Variants in UGT2A1 observed in about 807,000 individuals in gnomAD.
UGT2A1 encodes the protein UDP-glucuronosyltransferase 2A1.
A neutral mutation model predicts 45.4 loss-of-function variants in UGT2A1; 61 were observed. That is an observed-to-expected ratio of 1.34 (90% CI 1.09 to 1.66). The LOEUF (loss-of-function observed/expected upper bound fraction) is 1.66. Among genes scored for constraint, UGT2A1 ranks in the 40% most tolerant of loss-of-function variants. The pLI is 0.00. For synonymous variants in UGT2A1, 229 were observed against 196.2 expected, an observed-to-expected ratio of 1.17 and a Z score of -1.40; for missense variants, 649 against 574.3, an observed-to-expected ratio of 1.13 and a Z score of -1.33.
chr4:69,631,477 C>T (rs1388261766), intron 3 of UGT2A1, among the ~76,000 whole-genome samples: 2 of 152,012 alleles, frequency 1.3e-5, no homozygotes, highest in Non-Finnish European at 2.9e-5. Flanking sequence ...AGAAAGTAGG[C>T]TGTCAACAGA....
chr4:69,651,832 A>G (rs1328174589), intron 1 of UGT2A1, among the ~76,000 whole-genome samples: 1 of 152,230 alleles, frequency 6.6e-6, no homozygotes, highest in East Asian at 1.9e-4. Context: ...GAGCATATAT[A>G]CAACTTCCTA....
intron 3 of UGT2A1, 22 bp from the exon 4 acceptor site, chr4:69,599,416 G>T: frequency 6.2e-7 from 1 of 1,608,998 alleles, no homozygotes; most frequent in African/African-American, 1.3e-5. Context: ...GTAACAAGTT[G>T]GATGGAGGAA....
chr4:69,632,310 G>A (rs1358968250), intron 3 of UGT2A1, among the ~76,000 whole-genome samples: 1 of 152,100 alleles, frequency 6.6e-6, no homozygotes. Flanking sequence ...GGGTTAATAA[G>A]GGGTCTGCAT....
At chr4:69,614,920 G>A (rs1181808051) in intron 3 of UGT2A1, among the ~76,000 whole-genome samples, 2 of 152,168 alleles carry the variant, frequency 1.3e-5, no homozygotes, top group Admixed American at 6.6e-5. Flanking sequence ...ACTTACAATT[G>A]TGGTGGAAGG....
intron 3 of UGT2A1, among the ~76,000 whole-genome samples, chr4:69,634,640 C>T (rs2109961224): frequency 6.6e-6 from 1 of 151,932 alleles, no homozygotes; most frequent in African/African-American, 2.4e-5. Flanking sequence ...TATATTTTAC[C>T]ATATTGGCGG....
rs1036689834 is a variant in UGT2A1, at chr4:69,647,707, GA to G, written c.-54-10del. The G allele has an allele frequency of 2.8e-5, 32 of 1,163,290 alleles. No homozygotes were observed. The African/African-American group carries it at 4.1e-4, about 15-fold the overall frequency. The allele number at this position is 1,163,290 out of a possible 1,614,324, so 72.1% of individuals were successfully genotyped here. ...GCAAATGTTTTTCTCTGCTTTTAAAGAAAAAAAGGAAAGACAAAATTATTTC... is the reference window on the plus strand; with the variant it reads ...GCAAATGTTTTTCTCTGCTTTTAAAGAAAAAAGGAAAGACAAAATTATTTC... On this transcript the variant is annotated splice_polypyrimidine_tract_variant and intron_variant, in intron 1 of 6. Coordinates refer to ENST00000286604, the MANE Select transcript of UGT2A1 (RefSeq NM_001252275.3).
intron 1 of UGT2A1, among the ~76,000 whole-genome samples, chr4:69,648,840 G>A (rs1187835789): frequency 1.3e-5 from 2 of 151,936 alleles, no homozygotes; most frequent in Non-Finnish European, 2.9e-5. Flanking sequence ...ATAAAAGATA[G>A]GAACTGCTGG....
intron 3 of UGT2A1, among the ~76,000 whole-genome samples, chr4:69,607,538 G>A (rs1487722437): frequency 6.6e-6 from 1 of 151,792 alleles, no homozygotes; most frequent in African/African-American, 2.4e-5. Flanking sequence ...AACACCAAAA[G>A]CAATGGCAAC....
chr4:69,614,469 T>C (rs1720254576), intron 3 of UGT2A1, among the ~76,000 whole-genome samples: 1 of 151,692 alleles, frequency 6.6e-6, no homozygotes, highest in South Asian at 2.1e-4. Flanking sequence ...AAAATATATA[T>C]ATATCTAAAC....
In UGT2A1 at chr4:69,594,610, C is replaced by T. The variant is rs4148304; in HGVS notation, c.1171G>A (p.Val391Ile). 0.17 allele frequency: 267,850 copies of T among 1,613,992 alleles called. 23,886 individuals are homozygous for T. Among genetic ancestry groups the T allele is most frequent in the Non-Finnish European group, 0.18 (216,456 of 1,179,974 alleles). The change falls in exon 6 of 7, where the codon GTT (valine) becomes ATT (isoleucine). Residue 391 changes from valine to isoleucine, a missense_variant. Physicochemically the swap from Val to Ile is conservative, Grantham distance 29. Transcript: ENST00000286604. ...AIYHGVPMVG[V>I]PMFADQPDNI... ...TCAGGCTGATCAGCAAACATGGGAA[C>T]TCCCACCATAGGGACTCCGTGGTAA...
At chr4:69,613,505 GAC>G (rs1261146399) in intron 3 of UGT2A1, among the ~76,000 whole-genome samples, 1 of 144,800 alleles carries the variant, frequency 6.9e-6, no homozygotes, top group East Asian at 1.9e-4. Flanking sequence ...CAAAACCAAA[GAC>G]ACAACAACAG....
At chr4:69,606,747 C>T (rs1235452080) in intron 3 of UGT2A1, among the ~76,000 whole-genome samples, 1 of 136,532 alleles carries the variant, frequency 7.3e-6, no homozygotes, top group Non-Finnish European at 1.6e-5. Flanking sequence ...AATCAATGTG[C>T]AAAAATCACA....
At position 69,633,752 on chromosome 4, in the gene UGT2A1, C is replaced by A. The variant is rs187187340; in HGVS notation, c.847+1939G>T. 7.0e-4 allele frequency among the ~76,000 whole-genome samples: 107 copies of A among 152,106 alleles called. 1 individual carries two copies. In the South Asian group the frequency reaches 8.1e-3, roughly 12 times the overall value. ...ACGTTTAAAGTCAAGGAAAATTGAT[C>A]CATGGTTTCAGAAGCCAAGAAAGTG... On this transcript the variant is annotated intron_variant, in intron 3 of 6. Coordinates refer to ENST00000286604, the MANE Select transcript of UGT2A1 (RefSeq NM_001252275.3).
chr4:69,636,308 A>G (rs1013874306), intron 2 of UGT2A1, among the ~76,000 whole-genome samples: 5 of 152,158 alleles, frequency 3.3e-5, no homozygotes, highest in Non-Finnish European at 7.4e-5. Context: ...CTCTTTCAAT[A>G]TCAGTTTACA....
chr4:69,612,170 A>T (rs982823974), intron 3 of UGT2A1, among the ~76,000 whole-genome samples: 39 of 152,126 alleles, frequency 2.6e-4, no homozygotes, highest in Admixed American at 1.9e-3. Context: ...TCATGTATGA[A>T]AATCAGCAAA....
At chr4:69,617,448 T>C (rs114772317) in intron 3 of UGT2A1, among the ~76,000 whole-genome samples, 1,939 of 152,006 alleles carry the variant, frequency 0.013, 38 homozygotes, top group African/African-American at 0.044. Flanking sequence ...AAATGTATAT[T>C]ATAAAACAAA....
chr4:69,643,370 AT>A (rs1560496055), intron 2 of UGT2A1, among the ~76,000 whole-genome samples: 2 of 151,682 alleles, frequency 1.3e-5, no homozygotes, highest in Non-Finnish European at 3.0e-5. Flanking sequence ...GAACAAGGAA[AT>A]ATGACATCAA....
intron 6 of UGT2A1, among the ~76,000 whole-genome samples, chr4:69,591,446 C>G (rs867502521): frequency 3.9e-5 from 6 of 152,030 alleles, no homozygotes; most frequent in Admixed American, 2.0e-4. Context: ...GGAAGGAATG[C>G]CTGGGTTAAG....
intron 3 of UGT2A1, among the ~76,000 whole-genome samples, chr4:69,615,134 G>A (rs549478344): frequency 2.3e-4 from 35 of 152,038 alleles, no homozygotes; most frequent in Non-Finnish European, 4.4e-4. Context: ...CATGAGATTT[G>A]GATGAGGACA....
Sources: allele counts gnomAD v4.1 joint callset (sites outside exome capture counted in the v4.1 genomes callset), GRCh38; gene constraint gnomAD v4.1.1; transcripts MANE v1.5; gene names NCBI Gene and HGNC (gene_info 2026-07-23, HGNC 2026-07-21).